The following PTOV1 variants were observed in gnomAD, a reference collection of about 807,000 sequenced individuals.
PTOV1 encodes PTOV1 extended AT-hook containing adaptor protein.
PTOV1 carries 20 observed loss-of-function variants against 58.0 expected under a neutral mutation model. The observed-to-expected ratio is 0.34, with a 90% CI of 0.24 to 0.50. PTOV1 has a LOEUF of 0.50. Ranked by LOEUF, PTOV1 falls within the 20% of genes least tolerant of loss-of-function variation. The pLI is 0.98. For synonymous variants in PTOV1, 335 were observed against 234.2 expected (o/e 1.43, Z -3.93); for missense variants, 593 against 565.4 (o/e 1.05, Z -0.50).
upstream of PTOV1, chr19:49,850,989 G>A (rs1286373247): frequency 6.5e-7 from 1 of 1,534,910 alleles, no homozygotes; most frequent in Non-Finnish European, 8.7e-7. Context: ...GCCCCCTGAA[G>A]TTGTGGCTCG....
exon 9 of PTOV1, chr19:49,858,090 G>T: frequency 6.2e-7 from 1 of 1,613,910 alleles, no homozygotes; most frequent in East Asian, 2.2e-5. Flanking sequence ...AGCTGTACAT[G>T]CAGCTCATCC....
chr19:49,859,740 C>T (rs924434058), intron 10 of PTOV1: 7 of 559,614 alleles, frequency 1.3e-5, no homozygotes, highest in African/African-American at 9.5e-5. Context: ...GCCTGGCCTG[C>T]CCAGGAGCTC....
intron 6 of PTOV1, 72 bp from the exon 7 acceptor site, chr19:49,857,621 C>A: frequency 7.1e-7 from 1 of 1,407,460 alleles, no homozygotes; most frequent in African/African-American, 1.4e-5. Context: ...GGAGGGATGG[C>A]AGGCCCCAGG....
chr19:49,858,084 G>A (rs2074561331), exon 9 of PTOV1: 2 of 1,613,866 alleles, frequency 1.2e-6, no homozygotes, highest in African/African-American at 2.7e-5. Context: ...CAAGGAAGCT[G>A]TACATGCAGC....
At chr19:49,858,225 G>A (rs1300794348) in intron 9 of PTOV1, 111 bp downstream of exon 9, 2 of 1,350,168 alleles carry the variant, frequency 1.5e-6, no homozygotes, top group Non-Finnish European at 2.0e-6. Flanking sequence ...TGAGGGAGCG[G>A]AGCTGAGGGT....
chr19:49,860,517 T>C, exon 12 of PTOV1: 2 of 644,268 alleles, frequency 3.1e-6, no homozygotes, highest in Non-Finnish European at 5.3e-6. Flanking sequence ...GGAGGTGGTA[T>C]CCAGGCCTGG....
upstream of PTOV1, chr19:49,851,138 C>G: frequency 1.5e-6 from 2 of 1,318,530 alleles, no homozygotes; most frequent in Non-Finnish European, 1.9e-6. Context: ...TTGGTACGCG[C>G]CGGGCTCCCC....
intron 7 of PTOV1, 58 bp from the exon 8 acceptor site, chr19:49,857,846 G>T: frequency 6.2e-7 from 1 of 1,612,244 alleles, no homozygotes; most frequent in East Asian, 2.2e-5. Flanking sequence ...GCTGGGAGGG[G>T]ACACTGGCAT....
At chr19:49,850,770 G>C, upstream of PTOV1, 1 of 1,361,838 alleles carries the variant, frequency 7.3e-7, no homozygotes, top group East Asian at 2.6e-5. Context: ...CGTACCCTCA[G>C]TGGGTTCCCT....
intron 10 of PTOV1, among the ~76,000 whole-genome samples, chr19:49,859,611 G>A (rs1227068327): frequency 6.6e-6 from 1 of 151,920 alleles, no homozygotes; most frequent in Non-Finnish European, 1.5e-5. Context: ...AACCCAGAAA[G>A]GCTCCATGTA....
intron 5 of PTOV1, among the ~76,000 whole-genome samples, chr19:49,855,908 C>T (rs761169977): frequency 2.2e-4 from 34 of 151,934 alleles, no homozygotes; most frequent in Non-Finnish European, 4.3e-4. Context: ...AGAAAGGGGG[C>T]TTGGGCTGTG....
exon 11 of PTOV1, chr19:49,860,173 A>C: frequency 6.2e-7 from 1 of 1,614,186 alleles, no homozygotes; most frequent in Non-Finnish European, 8.5e-7. Flanking sequence ...CAGGAGCAAC[A>C]GCAACGAGGG....
exon 5 of PTOV1, chr19:49,855,038 C>G: frequency 1.2e-6 from 2 of 1,600,062 alleles, no homozygotes; most frequent in Non-Finnish European, 1.7e-6. Context: ...GAGACTGCGA[C>G]TCGCTCAAGG....
At chr19:49,850,931 CTTCG>C (rs2074214363), upstream of PTOV1, 1 of 1,535,916 alleles carries the variant, frequency 6.5e-7, no homozygotes, top group South Asian at 1.2e-5. Context: ...TTGGTGTCGC[CTTCG>C]TTCTTCTGCC....
rs116593010 is a variant in PTOV1, at chr19:49,859,869, T to C, written c.1042-117T>C. 5,887 of 1,132,706 alleles carry C rather than the reference T, an allele frequency of 5.2e-3. 215 individuals are homozygous for C. In the African/African-American group the frequency reaches 0.078, roughly 15 times the overall value. The allele number at this position is 1,132,706 out of a possible 1,614,324, so 70.2% of individuals were successfully genotyped here. ...CCACCTCCAGGGTGGGTGGGGGGTG[T>C]GAGGACAGAGCAGTTAGGCTGTGCC... On this transcript the variant is annotated intron_variant, in intron 10 of 11. Coordinates refer to ENST00000391842, the Ensembl canonical transcript of PTOV1.
intron 1 of PTOV1, chr19:49,852,454 TA>T (rs2074291250): frequency 6.6e-6 from 1 of 152,242 alleles, no homozygotes; most frequent in African/African-American, 2.4e-5. Flanking sequence ...CCCAAGGTTT[TA>T]AACCTCAGTG....
chr19:49,859,918 A>T, intron 10 of PTOV1, 68 bp from the exon 11 acceptor site: 1 of 1,544,598 alleles, frequency 6.5e-7, no homozygotes. Flanking sequence ...CCACGGCATG[A>T]TGCCGTGGTT....
Position 49,858,477 on chromosome 19 carries a change from A to T in PTOV1, c.937-72A>T, listed in dbSNP as rs1412542565. 9 of 1,257,292 alleles carry T rather than the reference A, an allele frequency of 7.2e-6. No homozygotes were observed. In the East Asian group the frequency reaches 2.3e-4, roughly 32 times the overall value. The allele number at this position is 1,257,292 out of a possible 1,614,324, so 77.9% of individuals were successfully genotyped here. On this transcript the variant is annotated intron_variant, in intron 9 of 11. Transcript: ENST00000391842. ...CTCAGTTTGGTCCTGGGCCCGGGGGACTCAGCGGGCTGGGAGCCGGGAGGC... is the reference window on the plus strand; with the variant it reads ...CTCAGTTTGGTCCTGGGCCCGGGGGTCTCAGCGGGCTGGGAGCCGGGAGGC...
chr19:49,851,451 C>G, exon 1 of PTOV1: 2 of 1,221,662 alleles, frequency 1.6e-6, no homozygotes, highest in Non-Finnish European at 2.0e-6. Context: ...CTGCCAGCCC[C>G]CGAGGCCCGC....
Sources: allele counts gnomAD v4.1 joint callset (sites outside exome capture counted in the v4.1 genomes callset), GRCh38; gene constraint gnomAD v4.1.1; transcripts MANE v1.5; gene names NCBI Gene and HGNC (gene_info 2026-07-23, HGNC 2026-07-21).